Variants in SCN9A observed in about 807,000 individuals in gnomAD.
The protein encoded by SCN9A is sodium voltage-gated channel alpha subunit 9, also known as sodium channel protein type 9 subunit alpha.
A neutral mutation model predicts 187.0 loss-of-function variants in SCN9A; 131 were observed. The observed-to-expected ratio is 0.70, with a 90% CI of 0.61 to 0.81. The LOEUF (loss-of-function observed/expected upper bound fraction) is 0.81. Among genes scored for constraint, SCN9A ranks in the 30% least tolerant of loss-of-function variants. The pLI, the probability that SCN9A is intolerant of heterozygous loss-of-function variation, is 0.00. For synonymous variants in SCN9A, 809 were observed against 808.6 expected, an observed-to-expected ratio of 1.00 and a Z score of -0.01; for missense variants, 2,252 against 2,396.6, an observed-to-expected ratio of 0.94 and a Z score of 1.26.
chr2:166,299,046 C>A (rs1204566681), intron 7 of SCN9A, among the ~76,000 whole-genome samples: 1 of 152,180 alleles, frequency 6.6e-6, no homozygotes, highest in African/African-American at 2.4e-5. Context: ...GATAACTCTG[C>A]AGTCTTCTCT....
intron 1 of SCN9A, among the ~76,000 whole-genome samples, chr2:166,340,485 CTTT>C (rs200296022): frequency 3.3e-5 from 5 of 150,708 alleles, no homozygotes; most frequent in Admixed American, 1.3e-4. Flanking sequence ...CTTTCTCTTT[CTTT>C]TTTTCTTTCT....
chr2:166,237,806 A>AT (rs1170525459), intron 20 of SCN9A, among the ~76,000 whole-genome samples: 1 of 152,140 alleles, frequency 6.6e-6, no homozygotes, highest in Non-Finnish European at 1.5e-5. Flanking sequence ...TTCAAATCAT[A>AT]TTTTTTAAAA....
chr2:166,347,905 A>T lies in SCN9A; in HGVS notation c.-51+27792T>A, dbSNP rs193166864. On this transcript the variant is annotated intron_variant, in intron 1 of 26. Transcript: ENST00000642356. Reference sequence around the variant, plus strand: ...AGAGACAAAGGAGGATAAATATTTAAAAAAAAACACATAGGATCGGAGTGC... The same window carrying T: ...AGAGACAAAGGAGGATAAATATTTATAAAAAAACACATAGGATCGGAGTGC... Among the ~76,000 whole-genome samples, 647 of 152,178 alleles carry T rather than the reference A, an allele frequency of 4.3e-3. 16 individuals carry two copies. The East Asian group carries it at 0.075, about 18-fold the overall frequency.
chr2:166,310,580 A>T (rs941136794), intron 2 of SCN9A, among the ~76,000 whole-genome samples: 1 of 94,160 alleles, frequency 1.1e-5, no homozygotes, highest in Non-Finnish European at 2.1e-5. Flanking sequence ...TAGAATGGCA[A>T]TCATTAAAAA....
chr2:166,371,999 G>A (rs967697907), intron 1 of SCN9A, among the ~76,000 whole-genome samples: 11 of 152,064 alleles, frequency 7.2e-5, no homozygotes, highest in African/African-American at 2.2e-4. Flanking sequence ...TCAACCAAAT[G>A]TTAATAGCAA....
intron 21 of SCN9A, 131 bp downstream of exon 21, chr2:166,233,209 A>ATG (rs1558969586): frequency 2.0e-5 from 11 of 559,690 alleles, no homozygotes; most frequent in African/African-American, 4.0e-5. Context: ...ATGTATATGT[A>ATG]CACACACATA....
intron 24 of SCN9A, among the ~76,000 whole-genome samples, chr2:166,225,931 C>T (rs1694825347): frequency 6.6e-6 from 1 of 152,080 alleles, no homozygotes; most frequent in Non-Finnish European, 1.5e-5. Context: ...TGAATTTGGA[C>T]TTCTAACCTC....
At chr2:166,208,027 TGAA>T (rs1176029676) in intron 24 of SCN9A, among the ~76,000 whole-genome samples, 2 of 152,200 alleles carry the variant, frequency 1.3e-5, no homozygotes, top group Admixed American at 6.5e-5. Context: ...GTCAATATGA[TGAA>T]GAATGGGATA....
chr2:166,276,950 G>T (rs200450612), intron 16 of SCN9A, 33 bp downstream of exon 16: 153 of 1,552,120 alleles, frequency 9.9e-5, no homozygotes, highest in Non-Finnish European at 1.3e-4. Flanking sequence ...TTTCCACAGA[G>T]AAATTAAAAT....
At position 166,284,596 on chromosome 2, in the gene SCN9A, T is replaced by A. The variant is rs2106483125; in HGVS notation, c.1831A>T (p.Met611Leu). 6.2e-7 allele frequency: 1 copy of A among 1,614,040 alleles called. No homozygotes were observed. The highest frequency in any genetic ancestry group is 2.2e-5 in the East Asian group (1 of 44,870). Residue 611 changes from methionine (M) to leucine (L), a missense_variant, in exon 12 of 27, where the codon ATG (methionine) becomes TTG (leucine). Met to Leu is a conservative substitution (Grantham distance 15). Coordinates refer to ENST00000642356, the MANE Select transcript of SCN9A (RefSeq NM_001365536.1). ...TGCATTTTCCCGTTCACCGGCAGCATTGGTGGGGACCTACTGGCTTGGCTG... is the reference window on the plus strand; with the variant it reads ...TGCATTTTCCCGTTCACCGGCAGCAATGGTGGGGACCTACTGGCTTGGCTG... ...NISQASRSPP[M>L]LPVNGKMHSA...
At chr2:166,220,111 T>C (rs913051148) in intron 24 of SCN9A, among the ~76,000 whole-genome samples, 34 of 152,238 alleles carry the variant, frequency 2.2e-4, no homozygotes, top group South Asian at 4.1e-4. Context: ...GCAAGGATGG[T>C]TCAACATATG....
At chr2:166,366,705 T>C (rs575943952) in intron 1 of SCN9A, among the ~76,000 whole-genome samples, 1 of 152,318 alleles carries the variant, frequency 6.6e-6, no homozygotes, top group East Asian at 1.9e-4. Context: ...GATTATCTCA[T>C]TGCAGTGCTG....
At chr2:166,353,073 T>C (rs989130709) in intron 1 of SCN9A, among the ~76,000 whole-genome samples, 2 of 151,628 alleles carry the variant, frequency 1.3e-5, no homozygotes, top group Non-Finnish European at 2.9e-5. Flanking sequence ...GATCTGTGCT[T>C]TCTGGGCGTG....
intron 16 of SCN9A, 72 bp from the exon 17 acceptor site, chr2:166,272,947 A>T: frequency 1.4e-6 from 1 of 726,324 alleles, no homozygotes; most frequent in Non-Finnish European, 2.1e-6. Flanking sequence ...TAAAATAAGT[A>T]CACTTTTCCG....
intron 1 of SCN9A, among the ~76,000 whole-genome samples, chr2:166,366,248 C>CGG (rs1324686593): frequency 6.6e-6 from 1 of 152,180 alleles, no homozygotes; most frequent in African/African-American, 2.4e-5. Flanking sequence ...GCCAGTCTAC[C>CGG]TGTTAAGCAT....
chr2:166,284,334 G>T, intron 12 of SCN9A, 119 bp downstream of exon 12: 1 of 1,192,462 alleles, frequency 8.4e-7, no homozygotes, highest in Non-Finnish European at 1.2e-6. Context: ...TGTTCCTATA[G>T]AAAAAGTATT....
intron 1 of SCN9A, among the ~76,000 whole-genome samples, chr2:166,360,038 A>G (rs1409545085): frequency 6.6e-6 from 1 of 151,576 alleles, no homozygotes. Flanking sequence ...CCTGACCAAC[A>G]TGGAGAAACC....
At chr2:166,272,057 A>G (rs981513610) in intron 17 of SCN9A, among the ~76,000 whole-genome samples, 1 of 152,070 alleles carries the variant, frequency 6.6e-6, no homozygotes, top group African/African-American at 2.4e-5. Flanking sequence ...TAGTGAGTAC[A>G]AAGGAAAGGT....
chr2:166,314,025 C>G (rs913223583), intron 1 of SCN9A, among the ~76,000 whole-genome samples: 4 of 152,150 alleles, frequency 2.6e-5, no homozygotes, highest in Non-Finnish European at 5.9e-5. Context: ...TGTTTGCTGT[C>G]TTATGTGGAT....
Sources: gnomAD v4.1 joint callset for allele counts (sites outside exome capture counted in the v4.1 genomes callset) on GRCh38, gnomAD v4.1.1 for gene constraint, MANE v1.5 for transcripts, NCBI Gene and HGNC (gene_info 2026-07-23, HGNC 2026-07-21) for gene names.